Variants in ATL2 observed in about 807,000 individuals in gnomAD.
ATL2 encodes the protein atlastin GTPase 2.
ATL2 carries 31 observed loss-of-function variants against 73.9 expected under a neutral mutation model. That is an observed-to-expected ratio of 0.42 (90% CI 0.32 to 0.57). ATL2 has a LOEUF of 0.57. Among genes scored for constraint, ATL2 ranks in the 20% least tolerant of loss-of-function variants. The pLI is 0.14. For missense variants in ATL2, 738 were observed against 702.6 expected (o/e 1.05, Z -0.57); for synonymous variants, 291 against 237.5 (o/e 1.23, Z -2.07).
chr2:38,375,477 C>G (rs1288420331), intron 1 of ATL2, among the ~76,000 whole-genome samples: 1 of 152,118 alleles, frequency 6.6e-6, no homozygotes, highest in Non-Finnish European at 1.5e-5. Context: ...ATGGTGGGCC[C>G]TATTTCAACA....
chr2:38,341,491 A>G (rs1669715875), intron 2 of ATL2, among the ~76,000 whole-genome samples: 1 of 152,082 alleles, frequency 6.6e-6, no homozygotes, highest in African/African-American at 2.4e-5. Flanking sequence ...TTTAAAAATC[A>G]GCCAAGCATT....
intron 4 of ATL2, among the ~76,000 whole-genome samples, chr2:38,316,457 G>C (rs1199091686): frequency 6.6e-6 from 1 of 152,100 alleles, no homozygotes; most frequent in Non-Finnish European, 1.5e-5. Flanking sequence ...ATACTGTCTT[G>C]TATGTAACAG....
chr2:38,366,798 T>C (rs1671355789), intron 1 of ATL2, among the ~76,000 whole-genome samples: 1 of 152,186 alleles, frequency 6.6e-6, no homozygotes. Flanking sequence ...TTTTATAAGG[T>C]AGGTACACAG....
At chr2:38,297,556 T>G (rs922451149) in intron 12 of ATL2, among the ~76,000 whole-genome samples, 3 of 152,218 alleles carry the variant, frequency 2.0e-5, no homozygotes, top group Non-Finnish European at 4.4e-5. Flanking sequence ...GGTAAAAGAT[T>G]ACGACGGAGC....
intron 9 of ATL2, among the ~76,000 whole-genome samples, chr2:38,302,227 A>T (rs1667226584): frequency 6.6e-6 from 1 of 151,946 alleles, no homozygotes; most frequent in Non-Finnish European, 1.5e-5. Flanking sequence ...GAGATTCAGA[A>T]ATGTGCTGGC....
chr2:38,312,239 T>A (rs1351232508), intron 7 of ATL2, among the ~76,000 whole-genome samples: 8 of 152,118 alleles, frequency 5.3e-5, no homozygotes, highest in Non-Finnish European at 8.8e-5. Context: ...CCCACCCAAA[T>A]CTCATCTCAA....
intron 1 of ATL2, among the ~76,000 whole-genome samples, chr2:38,348,765 C>T (rs1670170574): frequency 6.6e-6 from 1 of 151,690 alleles, no homozygotes; most frequent in South Asian, 2.1e-4. Context: ...ATTTTCGCAA[C>T]CTACTCATCT....
intron 1 of ATL2, among the ~76,000 whole-genome samples, chr2:38,374,004 G>GC (rs751516081): frequency 2.0e-5 from 3 of 152,134 alleles, no homozygotes; most frequent in Non-Finnish European, 4.4e-5. Flanking sequence ...CGATTCTCCT[G>GC]CCTCAGCCTC....
At chr2:38,296,641 TAA>T (rs759557987) in intron 12 of ATL2, 21 of 1,597,100 alleles carry the variant, frequency 1.3e-5, no homozygotes, top group Non-Finnish European at 1.8e-5. Flanking sequence ...GCCTCGAAGC[TAA>T]AGAGTTTAAG....
rs563812524 is a variant in ATL2, at chr2:38,333,033, A to G, written c.363+10235T>C. On this transcript the variant is annotated intron_variant, in intron 2 of 12. Transcript: ENST00000378954. ...AGAGTGAGACTTGATCTGAAAAGAA[A>G]AAGAAAAAGAGAAAGAAAAGAAATT... is the stretch of plus-strand genomic sequence containing the variant. Among the ~76,000 whole-genome samples the G allele has an allele frequency of 4.6e-5, 7 of 151,960 alleles. No individual in the cohort carries two copies. The South Asian group carries it at 1.5e-3, about 32-fold the overall frequency.
chr2:38,339,158 G>T (rs889925406), intron 2 of ATL2, among the ~76,000 whole-genome samples: 1 of 152,182 alleles, frequency 6.6e-6, no homozygotes, highest in Non-Finnish European at 1.5e-5. Flanking sequence ...GGAGGTTGCA[G>T]TGAGCCGAGA....
At chr2:38,373,929 T>C (rs1671823837) in intron 1 of ATL2, among the ~76,000 whole-genome samples, 2 of 152,224 alleles carry the variant, frequency 1.3e-5, no homozygotes, top group African/African-American at 2.4e-5. Flanking sequence ...TTCGCTCTTG[T>C]TGCCCAGGCT....
In ATL2 at chr2:38,299,189, T is replaced by A. The variant is rs1028714030; in HGVS notation, c.1200+67A>T. ...CGCTCAATTATTTAAAAAATTTTTT[T>A]AATTTTTTTTTTTTTAATTTAAAAA... On this transcript the variant is annotated intron_variant, in intron 11 of 12. Transcript: ENST00000378954. The A allele has an allele frequency of 8.6e-6, 12 of 1,387,306 alleles. No individual in the cohort carries two copies. In the African/African-American group the frequency reaches 9.2e-5, roughly 11 times the overall value. The allele number at this position is 1,387,306 out of a possible 1,614,324, so 85.9% of individuals were successfully genotyped here.
At position 38,307,982 on chromosome 2, in the gene ATL2, G is replaced by C. The variant is rs546155663; in HGVS notation, c.1071+1397C>G. Among the ~76,000 whole-genome samples the C allele has an allele frequency of 3.8e-4, 58 of 152,264 alleles. 2 individuals carry two copies. Among genetic ancestry groups the C allele is most frequent in the Non-Finnish European group, 1.0e-4 (7 of 68,006 alleles). Reference sequence around the variant, plus strand: ...AATGTTGGCAAGGATGTAGAGAAAAGGGAATCTTCGTACACTGTTGGCAGA... The same window carrying C: ...AATGTTGGCAAGGATGTAGAGAAAACGGAATCTTCGTACACTGTTGGCAGA... On this transcript the variant is annotated intron_variant, in intron 9 of 12. Coordinates refer to ENST00000378954, the MANE Select transcript of ATL2 (RefSeq NM_001135673.4).
At chr2:38,358,905 AT>A (rs1205855566) in intron 1 of ATL2, among the ~76,000 whole-genome samples, 6 of 152,050 alleles carry the variant, frequency 3.9e-5, no homozygotes, top group African/African-American at 9.6e-5. Flanking sequence ...ACTTCGATAA[AT>A]TTTTTTTGAA....
chr2:38,348,379 T>A (rs1408765156), intron 1 of ATL2, among the ~76,000 whole-genome samples: 1 of 151,734 alleles, frequency 6.6e-6, no homozygotes, highest in Non-Finnish European at 1.5e-5. Context: ...GGGAGGAGAA[T>A]TGCTTGAACC....
intron 1 of ATL2, 83 bp from the exon 2 acceptor site, chr2:38,343,595 T>G: frequency 7.7e-7 from 1 of 1,304,708 alleles, no homozygotes; most frequent in Non-Finnish European, 1.1e-6. Flanking sequence ...AAGCAAAATT[T>G]CAAGTAAGTA....
At chr2:38,310,639 T>C (rs1667708124) in intron 7 of ATL2, among the ~76,000 whole-genome samples, 192 bp from the exon 8 acceptor site, 1 of 150,588 alleles carries the variant, frequency 6.6e-6, no homozygotes, top group African/African-American at 2.4e-5. Flanking sequence ...CTTTTTTTTT[T>C]TTTTTTTTTT....
Position 38,371,198 on chromosome 2 carries a change from T to TAAA in ATL2, c.118+5942_118+5944dup, listed in dbSNP as rs556240788. Among the ~76,000 whole-genome samples, 3 of 139,960 alleles carry TAAA rather than the reference T, an allele frequency of 2.1e-5. No individual in the cohort carries two copies. The South Asian group carries it at 6.8e-4, about 32-fold the overall frequency. The allele number at this position is 139,960 out of a possible 152,430, so 91.8% of individuals were successfully genotyped here. On this transcript the variant is annotated intron_variant, in intron 1 of 12. Transcript: ENST00000378954. ...CATTTATAGGGTTTATCTCTTTAAT[T>TAAA]AAAAAAAAAAAAAAGAAAGAAAGAA...
Sources: gnomAD v4.1 joint callset for allele counts (sites outside exome capture counted in the v4.1 genomes callset) on GRCh38, gnomAD v4.1.1 for gene constraint, MANE v1.5 for transcripts, NCBI Gene and HGNC (gene_info 2026-07-23, HGNC 2026-07-21) for gene names.